ATE1: variants seen among roughly 807,000 people sequenced by gnomAD.
The protein encoded by ATE1 is arginyltransferase 1, also known as arginyl-tRNA--protein transferase 1.
A neutral mutation model predicts 70.5 loss-of-function variants in ATE1; 36 were observed. The observed-to-expected ratio is 0.51, with a 90% CI of 0.39 to 0.67. ATE1 has a LOEUF of 0.67. Ranked by LOEUF, ATE1 falls within the 30% of genes least tolerant of loss-of-function variation. ATE1 has a pLI of 0.00. For synonymous variants in ATE1, 232 were observed against 219.3 expected (o/e 1.06, Z -0.51); for missense variants, 593 against 629.5 (o/e 0.94, Z 0.62).
At chr10:121,790,379 C>A in intron 10 of ATE1, 90 bp from the exon 11 acceptor site, 2 of 1,489,456 alleles carry the variant, frequency 1.3e-6, no homozygotes, top group South Asian at 1.3e-5. Context: ...AGGTTTAAAG[C>A]AAAAACTTAA....
At chr10:121,894,450 T>G (rs1021587955) in intron 7 of ATE1, among the ~76,000 whole-genome samples, 1 of 152,184 alleles carries the variant, frequency 6.6e-6, no homozygotes, top group Non-Finnish European at 1.5e-5. Flanking sequence ...GTGGCTCTAC[T>G]AAGAGCAGAC....
chr10:121,855,169 G>A (rs1590512099), intron 8 of ATE1, among the ~76,000 whole-genome samples: 1 of 152,186 alleles, frequency 6.6e-6, no homozygotes, highest in Non-Finnish European at 1.5e-5. Context: ...CTCTGCTGTG[G>A]ACAGCTTTTT....
Position 121,747,121 on chromosome 10 carries a change from G to A in ATE1, c.1379-3263C>T, listed in dbSNP as rs76055114. On this transcript the variant is annotated intron_variant, in intron 11 of 11. Transcript: ENST00000224652. ...GCTTGGGATGGCATGGAGGGATGAG[G>A]AGAAAGGAACATCAACGATGCCAGC... is the stretch of plus-strand genomic sequence containing the variant. Among the ~76,000 whole-genome samples, 886 of 152,326 alleles carry A rather than the reference G, an allele frequency of 5.8e-3. 5 individuals are homozygous for A. Among genetic ancestry groups the A allele is most frequent in the African/African-American group, 0.02 (851 of 41,576 alleles).
intron 7 of ATE1, among the ~76,000 whole-genome samples, chr10:121,894,595 C>G (rs1950703839): frequency 6.6e-6 from 1 of 152,068 alleles, no homozygotes; most frequent in Admixed American, 6.6e-5. Context: ...CAAAGACAAT[C>G]CAATTAAAAA....
intron 11 of ATE1, among the ~76,000 whole-genome samples, chr10:121,770,519 A>G (rs962191138): frequency 6.6e-6 from 1 of 152,160 alleles, no homozygotes; most frequent in Non-Finnish European, 1.5e-5. Flanking sequence ...AGGTTTCATT[A>G]TGTCTCATGT....
At position 121,743,790 on chromosome 10, in the gene ATE1, C is replaced by T. The variant is rs138585613; in HGVS notation, c.1447G>A (p.Gly483Ser). 72 of 1,613,990 alleles carry T rather than the reference C, an allele frequency of 4.5e-5. No individual in the cohort carries two copies. Among genetic ancestry groups the T allele is most frequent in the Non-Finnish European group, 5.6e-5 (66 of 1,180,028 alleles). ...VFHKRAIMPY[G>S]VYKKQQKDPS... ...TCTTTCTGCTGTTTCTTATAAACACCGTAAGGCATGATGGCTCTCTTGTGA... is the reference window on the plus strand; with the variant it reads ...TCTTTCTGCTGTTTCTTATAAACACTGTAAGGCATGATGGCTCTCTTGTGA... Residue 483 changes from glycine (G) to serine (S), a missense_variant, in exon 12 of 12, where the codon GGT becomes AGT. Around this residue, in one of 3 missense-constraint regions of ATE1, gnomAD observed 90 missense variants for 93.7 expected, o/e 0.96. Coordinates refer to ENST00000224652, the MANE Select transcript of ATE1 (RefSeq NM_001001976.3).
chr10:121,902,932 C>G (rs910620108), intron 5 of ATE1, among the ~76,000 whole-genome samples: 1 of 152,090 alleles, frequency 6.6e-6, no homozygotes, highest in Non-Finnish European at 1.5e-5. Context: ...ATGGCATGAT[C>G]TCAGCTCACT....
chr10:121,920,704 T>C lies in ATE1; in HGVS notation c.233+1645A>G, dbSNP rs535908742. Among the ~76,000 whole-genome samples, 22 of 152,044 alleles carry C rather than the reference T, an allele frequency of 1.4e-4. No homozygotes were observed. The South Asian group carries it at 3.7e-3, about 26-fold the overall frequency. ...GTTTAAGTTTCCCATTTAAGAAAAC[T>C]GGACTCTGGGCCAGGTGCAGTGGCT... On this transcript the variant is annotated intron_variant, in intron 3 of 11. Transcript: ENST00000224652.
chr10:121,923,609 C>T (rs188345895), intron 2 of ATE1, among the ~76,000 whole-genome samples: 6 of 152,302 alleles, frequency 3.9e-5, no homozygotes, highest in East Asian at 1.9e-4. Flanking sequence ...CCCAATCCCA[C>T]GTCTTTGGCA....
In ATE1 at chr10:121,842,533, T is replaced by C. The variant is rs187398406; in HGVS notation, c.976-1270A>G. 1.2e-3 allele frequency among the ~76,000 whole-genome samples: 184 copies of C among 151,756 alleles called. 1 individual carries two copies. The highest frequency in any genetic ancestry group is 4.3e-3 in the African/African-American group (178 of 41,414). On this transcript the variant is annotated intron_variant, in intron 8 of 11. Coordinates refer to ENST00000224652, the MANE Select transcript of ATE1 (RefSeq NM_001001976.3). Reference sequence around the variant, plus strand: ...CAAGCAAAAAAATCAAGAAAATAAATCTACAAATCAATCTCCCATGAACAC... The same window carrying C: ...CAAGCAAAAAAATCAAGAAAATAAACCTACAAATCAATCTCCCATGAACAC...
At chr10:121,836,857 C>T (rs774570393) in intron 9 of ATE1, 40 bp from the exon 10 acceptor site, 2 of 1,272,086 alleles carry the variant, frequency 1.6e-6, no homozygotes, top group South Asian at 2.6e-5. Context: ...GCAGTTAATT[C>T]TGGTTCTAAT....
At chr10:121,827,422 G>C (rs140199190) in intron 10 of ATE1, among the ~76,000 whole-genome samples, 6 of 152,248 alleles carry the variant, frequency 3.9e-5, no homozygotes, top group African/African-American at 1.4e-4. Flanking sequence ...AACTGTAAGA[G>C]AAGCTGACCA....
intron 10 of ATE1, among the ~76,000 whole-genome samples, chr10:121,828,648 T>C (rs1256261293): frequency 6.6e-6 from 1 of 152,156 alleles, no homozygotes; most frequent in Non-Finnish European, 1.5e-5. Context: ...AATCTAGGAT[T>C]AGGAAAACAG....
intron 10 of ATE1, among the ~76,000 whole-genome samples, chr10:121,808,092 A>C (rs1480310923): frequency 1.3e-5 from 2 of 152,146 alleles, no homozygotes; most frequent in Admixed American, 1.3e-4. Flanking sequence ...ATTTGTGGGG[A>C]TCTACACATC....
intron 11 of ATE1, among the ~76,000 whole-genome samples, chr10:121,785,268 T>A (rs1946158942): frequency 6.6e-6 from 1 of 152,164 alleles, no homozygotes. Flanking sequence ...AAGATACTAT[T>A]ATTAGTCATG....
At chr10:121,891,177 T>C (rs11200222) in intron 7 of ATE1, among the ~76,000 whole-genome samples, 20,038 of 152,032 alleles carry the variant, frequency 0.13, 1,523 homozygotes, top group East Asian at 0.18. Flanking sequence ...CAGAAGGCAA[T>C]CGGTTTTGTA....
At chr10:121,840,085 C>T (rs1416694705) in intron 9 of ATE1, among the ~76,000 whole-genome samples, 1 of 152,090 alleles carries the variant, frequency 6.6e-6, no homozygotes, top group Non-Finnish European at 1.5e-5. Context: ...CACATATACA[C>T]ATAGACAAAC....
chr10:121,874,498 T>C (rs1334958170), intron 7 of ATE1, among the ~76,000 whole-genome samples: 5 of 152,234 alleles, frequency 3.3e-5, no homozygotes, highest in Admixed American at 3.3e-4. Context: ...GAATTAAATC[T>C]GTATTTAACA....
intron 11 of ATE1, among the ~76,000 whole-genome samples, chr10:121,777,300 T>C (rs184151487): frequency 6.6e-6 from 1 of 152,226 alleles, no homozygotes; most frequent in African/African-American, 2.4e-5. Flanking sequence ...AATGTTAATG[T>C]GAATAGAACA....
Sources: gnomAD v4.1 joint callset for allele counts (sites outside exome capture counted in the v4.1 genomes callset) on GRCh38, gnomAD v4.1.1 for gene constraint, gnomAD v4.1.1 regional missense constraint, MANE v1.5 for transcripts, NCBI Gene and HGNC (gene_info 2026-07-23, HGNC 2026-07-21) for gene names.